Variants in MLPH observed in about 807,000 individuals in gnomAD.
The protein encoded by MLPH is exophilin-3.
MLPH carries 51 observed loss-of-function variants against 72.1 expected under a neutral mutation model. The observed-to-expected ratio is 0.71, with a 90% CI of 0.56 to 0.89. The LOEUF (loss-of-function observed/expected upper bound fraction) is 0.89. Ranked by LOEUF, MLPH falls within the 40% of genes least tolerant of loss-of-function variation. MLPH has a pLI of 0.00. For synonymous variants in MLPH, 301 were observed against 310.1 expected, an observed-to-expected ratio of 0.97 and a Z score of 0.31; for missense variants, 743 against 759.9, an observed-to-expected ratio of 0.98 and a Z score of 0.26.
At chr2:237,524,328 A>G in intron 6 of MLPH, among the ~76,000 whole-genome samples, 1 of 122,440 alleles carries the variant, frequency 8.2e-6, no homozygotes, top group Admixed American at 7.4e-5. Flanking sequence ...TATAAAGGGG[A>G]GTTTATTAAG....
chr2:237,507,604 T>G (rs1359674932), intron 2 of MLPH, among the ~76,000 whole-genome samples: 1 of 152,194 alleles, frequency 6.6e-6, no homozygotes, highest in Admixed American at 6.5e-5. Flanking sequence ...GAACCACTTC[T>G]GTTACTCTCA....
rs1183456022 is a variant in MLPH, at chr2:237,541,703, C to T, written c.1446+746C>T. Among the ~76,000 whole-genome samples, 2 of 152,236 alleles carry T rather than the reference C, an allele frequency of 1.3e-5. No individual in the cohort carries two copies. On this transcript the variant is annotated intron_variant, in intron 11 of 15. Coordinates refer to ENST00000264605, the MANE Select transcript of MLPH (RefSeq NM_024101.7). This position sits in a 1 kb window ranked among gnomAD's most constrained non-coding sequence, Gnocchi z 5.1. ...AGAATGTAGCCCACATTGTGTAGGCCACGGAAGATCTGGTGCAAATACCTT... is the reference window on the plus strand; with the variant it reads ...AGAATGTAGCCCACATTGTGTAGGCTACGGAAGATCTGGTGCAAATACCTT...
At position 237,520,151 on chromosome 2, in the gene MLPH, C is replaced by T. The variant is rs1320873137; in HGVS notation, c.675+122C>T. 9 of 1,339,722 alleles carry T rather than the reference C, an allele frequency of 6.7e-6. No individual in the cohort carries two copies. The East Asian group carries it at 2.1e-4, about 32-fold the overall frequency. 83.0% of individuals were successfully genotyped at this position (1,339,722 alleles called of 1,614,324 possible). On this transcript the variant is annotated intron_variant, in intron 6 of 15. Coordinates refer to ENST00000264605, the MANE Select transcript of MLPH (RefSeq NM_024101.7). ...CTGATGGCCACACAGTCCCACCTGG[C>T]TCCCAAGGCATGACAGGGAAGGGGA...
chr2:237,545,500 AAC>A (rs201186636), intron 12 of MLPH: 543 of 1,287,472 alleles, frequency 4.2e-4, no homozygotes, highest in African/African-American at 3.0e-3. Context: ...GAGGATCTGA[AAC>A]ACACACACCC....
chr2:237,518,089 G>A (rs1243794181), intron 4 of MLPH: 12 of 326,436 alleles, frequency 3.7e-5, no homozygotes, highest in Middle Eastern at 1.1e-3. Flanking sequence ...TGTATAGATG[G>A]ATTGATGATG....
chr2:237,551,876 G>C (rs910576347), intron 14 of MLPH, among the ~76,000 whole-genome samples: 1 of 152,138 alleles, frequency 6.6e-6, no homozygotes, highest in African/African-American at 2.4e-5. Context: ...CTACTTGGGA[G>C]GCTGAGGCAG....
chr2:237,552,269 C>G, intron 14 of MLPH, 68 bp from the exon 15 acceptor site: 1 of 1,351,128 alleles, frequency 7.4e-7, no homozygotes, highest in Non-Finnish European at 1.1e-6. Flanking sequence ...TCTGAGGAGG[C>G]CAAGGCACTT....
intron 15 of MLPH, chr2:237,553,305 C>T: frequency 1.7e-6 from 1 of 591,496 alleles, no homozygotes; most frequent in Non-Finnish European, 3.1e-6. Flanking sequence ...ACCTTTTGTT[C>T]CTCAGGCATG....
At chr2:237,501,015 C>T (rs2079636095) in intron 2 of MLPH, among the ~76,000 whole-genome samples, 1 of 152,142 alleles carries the variant, frequency 6.6e-6, no homozygotes. Flanking sequence ...GCTCATAACC[C>T]CCACAGAGCT....
intron 5 of MLPH, 64 bp from the exon 6 acceptor site, chr2:237,519,846 G>T: frequency 6.2e-7 from 1 of 1,610,976 alleles, no homozygotes; most frequent in Non-Finnish European, 8.5e-7. Context: ...GAGGTGCAGG[G>T]TATTTGGTCC....
chr2:237,545,668 C>T, intron 12 of MLPH: 1 of 1,243,414 alleles, frequency 8.0e-7, no homozygotes, highest in South Asian at 1.4e-5. Context: ...TCCTCCTCTC[C>T]TGATCCCATT....
chr2:237,518,229 G>A (rs1190377106), intron 4 of MLPH: 2 of 465,968 alleles, frequency 4.3e-6, no homozygotes, highest in African/African-American at 2.0e-5. Context: ...ATAGATAGGT[G>A]GGTGTATGGG....
chr2:237,519,787 TG>T, intron 5 of MLPH, 122 bp from the exon 6 acceptor site: 2 of 1,396,860 alleles, frequency 1.4e-6, no homozygotes, highest in Non-Finnish European at 1.0e-6. Flanking sequence ...GTGGATGTGC[TG>T]GGAGAGGAGC....
intron 4 of MLPH, 69 bp downstream of exon 4, chr2:237,511,170 TG>T: frequency 7.9e-7 from 1 of 1,261,082 alleles, no homozygotes; most frequent in Non-Finnish European, 1.2e-6. Flanking sequence ...CAGGTTCCTT[TG>T]GAGTGTGCAT....
rs575606743 is a variant in MLPH at position 237,529,204 on chromosome 2, G to A, written c.1020+1688G>A. Among the ~76,000 whole-genome samples, 59 of 152,076 alleles carry A rather than the reference G, an allele frequency of 3.9e-4. No individual in the cohort carries two copies. The South Asian group carries it at 0.011, about 28-fold the overall frequency. Reference sequence around the variant, plus strand: ...ATCACAGGCGCCCACCACCACGCCCGGCTAATTTTTGTATTTTTAGTAGAG... The same window carrying A: ...ATCACAGGCGCCCACCACCACGCCCAGCTAATTTTTGTATTTTTAGTAGAG... On this transcript the variant is annotated intron_variant, in intron 8 of 15. Transcript: ENST00000264605.
intron 6 of MLPH, 30 bp from the exon 7 acceptor site, chr2:237,525,571 C>A: frequency 6.2e-7 from 1 of 1,609,202 alleles, no homozygotes; most frequent in African/African-American, 1.3e-5. Flanking sequence ...GTAAACCCTG[C>A]AGAGGAGGCT....
chr2:237,528,127 G>T (rs1437222902), intron 8 of MLPH, among the ~76,000 whole-genome samples: 1 of 152,122 alleles, frequency 6.6e-6, no homozygotes, highest in African/African-American at 2.4e-5. Context: ...TGGGGTCAGG[G>T]GGATGGGAAT....
At chr2:237,533,894 A>G (rs1260090273) in intron 8 of MLPH, among the ~76,000 whole-genome samples, 1 of 152,226 alleles carries the variant, frequency 6.6e-6, no homozygotes, top group Non-Finnish European at 1.5e-5. Flanking sequence ...CCGACCAAAC[A>G]ATACAAAAGC....
At chr2:237,489,725 C>T (rs1283102933) in intron 1 of MLPH, among the ~76,000 whole-genome samples, 1 of 152,308 alleles carries the variant, frequency 6.6e-6, no homozygotes, top group East Asian at 1.9e-4. Flanking sequence ...CCCACAATCA[C>T]CATTGTTCCA....
Sources: gnomAD v4.1 joint callset for allele counts (sites outside exome capture counted in the v4.1 genomes callset) on GRCh38, gnomAD v4.1.1 for gene constraint, Gnocchi (gnomAD v3.1) non-coding constraint, MANE v1.5 for transcripts, NCBI Gene and HGNC (gene_info 2026-07-23, HGNC 2026-07-21) for gene names.